Variants in SPINT2 observed in about 807,000 individuals in gnomAD.
SPINT2 encodes the protein kunitz-type protease inhibitor 2.
SPINT2 carries 18 observed loss-of-function variants against 30.1 expected under a neutral mutation model. The ratio of observed to expected loss-of-function variants is 0.60; its 90% CI spans 0.41 to 0.89. SPINT2 has a LOEUF of 0.89. SPINT2 is among the 40% of genes least tolerant of loss of function. SPINT2 has a pLI of 0.00. For missense variants in SPINT2, 276 were observed against 334.3 expected, an observed-to-expected ratio of 0.83 and a Z score of 1.36; for synonymous variants, 139 against 137.9, an observed-to-expected ratio of 1.01 and a Z score of -0.05.
intron 2 of SPINT2, among the ~76,000 whole-genome samples, chr19:38,285,373 G>C (rs868266775): frequency 6.6e-6 from 1 of 151,796 alleles, no homozygotes; most frequent in Non-Finnish European, 1.5e-5. Context: ...TTTTTTTCTC[G>C]CTTAGTCGCC....
At chr19:38,269,861 G>A (rs983743053) in intron 1 of SPINT2, among the ~76,000 whole-genome samples, 3 of 152,092 alleles carry the variant, frequency 2.0e-5, no homozygotes, top group Admixed American at 1.3e-4. Context: ...TGCCCGCCTC[G>A]GCCTCCCAAA....
At chr19:38,268,299 G>T (rs1386049579) in intron 1 of SPINT2, among the ~76,000 whole-genome samples, 1 of 152,108 alleles carries the variant, frequency 6.6e-6, no homozygotes, top group Non-Finnish European at 1.5e-5. Context: ...CTGAGCTTAT[G>T]CCAGGTGAGA....
chr19:38,277,187 T>C (rs1378252689), intron 1 of SPINT2, among the ~76,000 whole-genome samples: 3 of 152,220 alleles, frequency 2.0e-5, no homozygotes, highest in African/African-American at 7.2e-5. Context: ...CTTTGCAAAG[T>C]AGACACAGCT....
Position 38,264,633 on chromosome 19 carries a change from G to A in SPINT2, c.-260G>A, listed in dbSNP as rs1968353739. On this transcript the variant is annotated 5_prime_UTR_variant, in exon 1 of 7. Transcript: ENST00000301244. ...TGTAGCGCGGCTCTGAACGCGCTGA[G>A]GGCCGTTGAGTGTCGCAGGCGGCGA... 2.0e-6 allele frequency: 1 copy of A among 504,864 alleles called. No homozygotes were observed. Among genetic ancestry groups the A allele is most frequent in the East Asian group, 3.7e-5 (1 of 26,796 alleles). The allele number at this position is 504,864 out of a possible 1,614,324, so 31.3% of individuals were successfully genotyped here.
At position 38,290,136 on chromosome 19, in the gene SPINT2, G is replaced by A. The variant is rs761038456; in HGVS notation, c.409G>A (p.Ala137Thr). 16 of 1,612,534 alleles carry A rather than the reference G, an allele frequency of 9.9e-6. No homozygotes were observed. Among genetic ancestry groups the A allele is most frequent in the East Asian group, 4.5e-5 (2 of 44,876 alleles). Residue 137 changes from alanine to threonine, a missense_variant, in exon 5 of 7, where the codon GCA (alanine) becomes ACA (threonine). Physicochemically the swap from Ala to Thr is moderately conservative, Grantham distance 58. Transcript: ENST00000301244. This position sits in a 1 kb window ranked among gnomAD's most constrained non-coding sequence, Gnocchi z 4.3. Reference protein sequence around the residue: ...FNYEEYCTANAVTGPCRASFP... With the variant: ...FNYEEYCTANTVTGPCRASFP... ...ACTCCTAGAATACTGCACCGCCAAC[G>A]CAGTCACTGGGCCTTGCCGTGCATC...
intron 1 of SPINT2, among the ~76,000 whole-genome samples, chr19:38,277,527 T>G (rs1968534860): frequency 6.6e-6 from 1 of 152,158 alleles, no homozygotes; most frequent in African/African-American, 2.4e-5. Flanking sequence ...AAAATTAGAT[T>G]AGATTGGTAG....
intron 1 of SPINT2, among the ~76,000 whole-genome samples, chr19:38,269,540 G>A (rs911645166): frequency 9.9e-5 from 15 of 151,116 alleles, no homozygotes; most frequent in African/African-American, 3.4e-4. Context: ...TGAGTAGCTG[G>A]GGTTACAGGT....
At chr19:38,265,219 T>A (rs1218472545) in intron 1 of SPINT2, 2 of 502,294 alleles carry the variant, frequency 4.0e-6, no homozygotes, top group East Asian at 7.0e-5. Context: ...TAGGAGAGTT[T>A]CCTTCGGGTG....
chr19:38,285,612 T>C (rs1329189105), intron 2 of SPINT2, among the ~76,000 whole-genome samples: 3 of 152,212 alleles, frequency 2.0e-5, no homozygotes, highest in African/African-American at 7.2e-5. Context: ...GTGCTAGGAT[T>C]ACAGGCGTGA....
At chr19:38,271,208 G>A (rs984612803) in intron 1 of SPINT2, among the ~76,000 whole-genome samples, 1 of 152,034 alleles carries the variant, frequency 6.6e-6, no homozygotes, top group Admixed American at 6.6e-5. Flanking sequence ...AAATGAGGGC[G>A]AGGCCGGGCG....
At position 38,266,000 on chromosome 19, in the gene SPINT2, G is replaced by A. The variant is rs189355684; in HGVS notation, c.106+1002G>A. On this transcript the variant is annotated intron_variant, in intron 1 of 6. Coordinates refer to ENST00000301244, the MANE Select transcript of SPINT2 (RefSeq NM_021102.4). ...CCAACAGGGTGACGTAAGATGTTGG[G>A]GGCGGCTTTAGCTCAGGTGGTCGGG... Among the ~76,000 whole-genome samples, 20 of 152,334 alleles carry A rather than the reference G, an allele frequency of 1.3e-4. 1 individual carries two copies. Among genetic ancestry groups the A allele is most frequent in the Admixed American group, 9.8e-4 (15 of 15,300 alleles).
intron 1 of SPINT2, among the ~76,000 whole-genome samples, chr19:38,272,235 T>C (rs1263696744): frequency 6.6e-6 from 1 of 152,128 alleles, no homozygotes; most frequent in Non-Finnish European, 1.5e-5. Context: ...TGTCCATGTG[T>C]ATGCCAGGGT....
chr19:38,275,847 C>T lies in SPINT2; in HGVS notation c.107-7780C>T, dbSNP rs558194393. ...GGTTCAAACGATTCTCCTGCCTCAG[C>T]CTCCAGAATAGCTGGGATTACAGGC... On this transcript the variant is annotated intron_variant, in intron 1 of 6. Transcript: ENST00000301244. 5.3e-5 allele frequency among the ~76,000 whole-genome samples: 8 copies of T among 152,030 alleles called. No individual in the cohort carries two copies. The South Asian group carries it at 1.7e-3, about 32-fold the overall frequency.
intron 1 of SPINT2, among the ~76,000 whole-genome samples, chr19:38,268,681 G>C (rs1968409560): frequency 6.6e-6 from 1 of 151,998 alleles, no homozygotes; most frequent in South Asian, 2.1e-4. Context: ...TTAAACATAT[G>C]CTCCATTTAG....
chr19:38,268,478 AG>A (rs1037083873), intron 1 of SPINT2, among the ~76,000 whole-genome samples: 11 of 152,208 alleles, frequency 7.2e-5, no homozygotes, highest in African/African-American at 2.7e-4. Context: ...TTTGCCTGAA[AG>A]ACATGAAGAT....
At chr19:38,265,709 G>T (rs192985216) in intron 1 of SPINT2, 66 of 152,338 alleles carry the variant, frequency 4.3e-4, no homozygotes, top group African/African-American at 1.5e-3. Flanking sequence ...AACAAGTGTT[G>T]TTATAACCTT....
rs565392490 is a variant in SPINT2, at chr19:38,290,925, A to T, written c.592+350A>T. 13 of 415,676 alleles carry T rather than the reference A, an allele frequency of 3.1e-5. No individual in the cohort carries two copies. Among genetic ancestry groups the T allele is most frequent in the South Asian group, 2.6e-4 (12 of 46,694 alleles). 25.7% of individuals were successfully genotyped at this position (415,676 alleles called of 1,614,324 possible). A position where few individuals can be genotyped will look rare whatever the true frequency, so the allele number is the denominator to read the frequency against. Reference sequence around the variant, plus strand: ...GGGGCATAAGAGTTGGTCACGGGTGACAGGACGGAGGACCACGGGCCAGGG... The same window carrying T: ...GGGGCATAAGAGTTGGTCACGGGTGTCAGGACGGAGGACCACGGGCCAGGG... On this transcript the variant is annotated intron_variant, in intron 6 of 6. Coordinates refer to ENST00000301244, the MANE Select transcript of SPINT2 (RefSeq NM_021102.4). The surrounding 1 kb of genome is among the most constrained non-coding windows in gnomAD (Gnocchi z 4.3).
At chr19:38,267,447 C>T (rs189030809) in intron 1 of SPINT2, among the ~76,000 whole-genome samples, 80 of 151,892 alleles carry the variant, frequency 5.3e-4, no homozygotes, top group African/African-American at 1.9e-3. Context: ...GGGGGTTGGT[C>T]AAGGAATTTA....
At chr19:38,267,058 CCCG>C (rs1299558350) in intron 1 of SPINT2, among the ~76,000 whole-genome samples, 5 of 152,138 alleles carry the variant, frequency 3.3e-5, no homozygotes, top group Non-Finnish European at 7.4e-5. Context: ...ACTTGCCTTG[CCCG>C]AGGTCACTCG....
Sources: allele counts gnomAD v4.1 joint callset (sites outside exome capture counted in the v4.1 genomes callset), GRCh38; gene constraint gnomAD v4.1.1; non-coding constraint Gnocchi (gnomAD v3.1); transcripts MANE v1.5; gene names NCBI Gene and HGNC (gene_info 2026-07-23, HGNC 2026-07-21).